GAD2: variants seen among roughly 807,000 people sequenced by gnomAD.
GAD2 encodes the protein 65 kDa glutamic acid decarboxylase.
A neutral mutation model predicts 80.1 loss-of-function variants in GAD2; 22 were observed. The observed-to-expected ratio is 0.27, with a 90% CI of 0.20 to 0.39. The LOEUF is 0.39. Among genes scored for constraint, GAD2 ranks in the 10% least tolerant of loss-of-function variants. The pLI is 1.00. For synonymous variants in GAD2, 274 were observed against 256.9 expected (o/e 1.07, Z -0.64); for missense variants, 624 against 738.4 (o/e 0.85, Z 1.80).
intron 8 of GAD2, among the ~76,000 whole-genome samples, chr10:26,265,675 G>A (rs764965692): frequency 6.6e-6 from 1 of 152,188 alleles, no homozygotes; most frequent in East Asian, 1.9e-4. Context: ...TTAACTGTAA[G>A]CTTAAAGGCT....
At chr10:26,218,537 T>TCG (rs1164820108) in intron 3 of GAD2, among the ~76,000 whole-genome samples, 3 of 84,808 alleles carry the variant, frequency 3.5e-5, no homozygotes, top group Non-Finnish European at 5.4e-5. Flanking sequence ...ATGCATACGC[T>TCG]CTCTCTCTCT....
chr10:26,261,094 T>C (rs1845004627), intron 8 of GAD2, among the ~76,000 whole-genome samples: 1 of 152,204 alleles, frequency 6.6e-6, no homozygotes, highest in Non-Finnish European at 1.5e-5. Context: ...AACAAAACTC[T>C]CTTTTGTCAT....
intron 8 of GAD2, among the ~76,000 whole-genome samples, chr10:26,248,625 C>T (rs1844839480): frequency 1.3e-5 from 2 of 152,168 alleles, no homozygotes; most frequent in Admixed American, 1.3e-4. Flanking sequence ...TGGAATTTCC[C>T]TTGAAGGAAC....
At position 26,246,085 on chromosome 10, in the gene GAD2, A is replaced by C; in HGVS notation, c.920+85A>C. ...CCTTTTGGTCTGAAAATAGGAGAGGACCACGGGGCAGCAAGTCCACCTCCC... is the reference window on the plus strand; with the variant it reads ...CCTTTTGGTCTGAAAATAGGAGAGGCCCACGGGGCAGCAAGTCCACCTCCC... On this transcript the variant is annotated intron_variant, in intron 8 of 15. Coordinates refer to ENST00000376261, the MANE Select transcript of GAD2 (RefSeq NM_001134366.2). 3 of 1,075,514 alleles carry C rather than the reference A, an allele frequency of 2.8e-6. No individual in the cohort carries two copies. In the East Asian group the frequency reaches 7.7e-5, roughly 28 times the overall value. The allele number at this position is 1,075,514 out of a possible 1,614,324, so 66.6% of individuals were successfully genotyped here.
Position 26,219,180 on chromosome 10 carries a change from C to T in GAD2, c.424C>T (p.Leu142Phe), listed in dbSNP as rs1224821241. The T allele has an allele frequency of 1.2e-6, 2 of 1,613,800 alleles. No homozygotes were observed. The change falls in exon 4 of 16, where the codon CTC becomes TTC. Residue 142 changes from leucine (L) to phenylalanine (F), a missense_variant. Physicochemically the swap from Leu to Phe is conservative, Grantham distance 22. Coordinates refer to ENST00000376261, the MANE Select transcript of GAD2 (RefSeq NM_001134366.2). ...TGATTTCCATTATCCTAATGAGCTT[C>T]TCCAAGAATATAATTGGGAATTGGC... ...VIDFHYPNEL[L>F]QEYNWELADQ...
chr10:26,238,144 A>G (rs3904297), intron 7 of GAD2, among the ~76,000 whole-genome samples: 30,561 of 151,988 alleles, frequency 0.2, 5,419 homozygotes, highest in African/African-American at 0.49. Context: ...CATTAGGTAG[A>G]AGGATGGGAG....
At chr10:26,228,795 A>G (rs1589137929) in intron 6 of GAD2, among the ~76,000 whole-genome samples, 2 of 151,650 alleles carry the variant, frequency 1.3e-5, no homozygotes, top group Non-Finnish European at 2.9e-5. Context: ...AGCATTCTCC[A>G]CCCCACCCCC....
chr10:26,271,985 C>A (rs1845142764), intron 10 of GAD2, among the ~76,000 whole-genome samples: 1 of 152,166 alleles, frequency 6.6e-6, no homozygotes, highest in Non-Finnish European at 1.5e-5. Context: ...CTCTCGAACT[C>A]CTGACCTCAG....
At chr10:26,264,484 A>AT (rs756887623) in intron 8 of GAD2, among the ~76,000 whole-genome samples, 106 of 151,726 alleles carry the variant, frequency 7.0e-4, no homozygotes, top group Non-Finnish European at 1.3e-3. Context: ...GATTTTTTGT[A>AT]TTTTTTTAGT....
At chr10:26,277,978 A>G (rs1434960648) in intron 11 of GAD2, among the ~76,000 whole-genome samples, 1 of 151,548 alleles carries the variant, frequency 6.6e-6, no homozygotes, top group Non-Finnish European at 1.5e-5. Context: ...TTTTGAAATG[A>G]ACCTGAGGCT....
chr10:26,274,965 C>T (rs772230813), intron 11 of GAD2, among the ~76,000 whole-genome samples: 5 of 152,176 alleles, frequency 3.3e-5, no homozygotes, highest in Non-Finnish European at 5.9e-5. Context: ...ATTGCAGGGC[C>T]CCATTTAGAT....
chr10:26,273,774 C>A, intron 11 of GAD2, 74 bp downstream of exon 11: 1 of 1,342,252 alleles, frequency 7.5e-7, no homozygotes, highest in Admixed American at 1.8e-5. Context: ...CAGTCAATTT[C>A]CAGGAACTTT....
intron 7 of GAD2, among the ~76,000 whole-genome samples, chr10:26,236,977 G>A (rs1844679675): frequency 6.6e-6 from 1 of 152,190 alleles, no homozygotes; most frequent in Non-Finnish European, 1.5e-5. Context: ...GCCTCTCCTG[G>A]GGATATTCCC....
intron 13 of GAD2, among the ~76,000 whole-genome samples, chr10:26,291,668 C>G (rs987118040): frequency 6.6e-6 from 1 of 152,148 alleles, no homozygotes; most frequent in East Asian, 1.9e-4. Flanking sequence ...CTGGCTTTTA[C>G]TCTTAAGCTT....
At chr10:26,249,747 A>G (rs7895479) in intron 8 of GAD2, among the ~76,000 whole-genome samples, 2,971 of 152,306 alleles carry the variant, frequency 0.02, 89 homozygotes, top group African/African-American at 0.066. Flanking sequence ...CATGGGAACA[A>G]GGGGCCTGCC....
chr10:26,218,275 G>T (rs1844407223), intron 3 of GAD2: 1 of 352,896 alleles, frequency 2.8e-6, no homozygotes. Flanking sequence ...AGGCGCTCGT[G>T]CGCTCACTGA....
intron 8 of GAD2, among the ~76,000 whole-genome samples, chr10:26,266,604 A>C (rs1224636064): frequency 6.6e-6 from 1 of 152,210 alleles, no homozygotes; most frequent in African/African-American, 2.4e-5. Flanking sequence ...TTTGGAAGGC[A>C]GAGTGCCCAG....
chr10:26,220,367 C>T (rs533150690), intron 4 of GAD2, among the ~76,000 whole-genome samples: 62 of 152,268 alleles, frequency 4.1e-4, no homozygotes, highest in African/African-American at 9.1e-4. Context: ...AGCAGTATTA[C>T]GCTAATCAAT....
At chr10:26,218,050 G>T (rs1408598262) in intron 3 of GAD2, 59 bp downstream of exon 3, 36 of 1,507,216 alleles carry the variant, frequency 2.4e-5, no homozygotes, top group African/African-American at 2.9e-5. Flanking sequence ...CCCGCCCACC[G>T]CGGCCGGTGC....
Sources: allele counts gnomAD v4.1 joint callset (sites outside exome capture counted in the v4.1 genomes callset), GRCh38; gene constraint gnomAD v4.1.1; transcripts MANE v1.5; gene names NCBI Gene and HGNC (gene_info 2026-07-23, HGNC 2026-07-21).